NUMB: variants seen among roughly 807,000 people sequenced by gnomAD.
NUMB encodes the protein protein numb homolog.
In NUMB, 29 loss-of-function variants were observed where a neutral mutation model predicts 59.7. The ratio of observed to expected loss-of-function variants is 0.49; its 90% CI spans 0.36 to 0.66. The LOEUF is 0.66. NUMB is among the 30% of genes least tolerant of loss of function. NUMB has a pLI of 0.00. For synonymous variants in NUMB, 288 were observed against 288.2 expected (o/e 1.00, Z 0.01); for missense variants, 723 against 822.0 (o/e 0.88, Z 1.47).
chr14:73,300,392 A>G (rs1414842928), intron 6 of NUMB, among the ~76,000 whole-genome samples: 1 of 152,136 alleles, frequency 6.6e-6, no homozygotes, highest in Non-Finnish European at 1.5e-5. Context: ...CCATAAATTC[A>G]TCTGTGAATT....
At chr14:73,361,542 C>G (rs905069729) in intron 3 of NUMB, among the ~76,000 whole-genome samples, 8 of 151,862 alleles carry the variant, frequency 5.3e-5, no homozygotes, top group African/African-American at 1.9e-4. Context: ...GTTTGTTGCA[C>G]ATATTATTTC....
intron 4 of NUMB, among the ~76,000 whole-genome samples, chr14:73,325,885 A>G (rs1383598284): frequency 2.0e-5 from 3 of 152,202 alleles, no homozygotes; most frequent in African/African-American, 7.2e-5. Flanking sequence ...CCTCTAAGGC[A>G]GGGGGAACTG....
At chr14:73,382,308 G>T (rs528908719) in intron 2 of NUMB, among the ~76,000 whole-genome samples, 2 of 152,064 alleles carry the variant, frequency 1.3e-5, no homozygotes, top group East Asian at 3.9e-4. Context: ...CATCATGCCT[G>T]GCTAATTTTT....
intron 2 of NUMB, among the ~76,000 whole-genome samples, chr14:73,401,064 C>A (rs759235264): frequency 1.1e-4 from 16 of 152,126 alleles, no homozygotes; most frequent in Non-Finnish European, 1.8e-4. Flanking sequence ...GGGGATTGAG[C>A]CCTCAACCTG....
At chr14:73,452,577 G>A (rs747813681) in intron 1 of NUMB, among the ~76,000 whole-genome samples, 11 of 152,134 alleles carry the variant, frequency 7.2e-5, no homozygotes, top group Non-Finnish European at 8.8e-5. Context: ...GGGTTTTCGT[G>A]GGTAGAGAGG....
chr14:73,439,362 T>C (rs1282917054), intron 1 of NUMB, among the ~76,000 whole-genome samples: 6 of 152,152 alleles, frequency 3.9e-5, no homozygotes, highest in African/African-American at 1.4e-4. Context: ...TTAATGACTA[T>C]TAAAAACAGG....
At chr14:73,419,116 T>C (rs1182037884) in intron 1 of NUMB, among the ~76,000 whole-genome samples, 1 of 152,142 alleles carries the variant, frequency 6.6e-6, no homozygotes, top group African/African-American at 2.4e-5. Flanking sequence ...ATGTCAGGTT[T>C]ATAAAAAAAA....
rs747805278 is a variant in NUMB at position 73,279,412 on chromosome 14, T to C, written c.1109A>G (p.Asp370Gly). 83 of 1,588,266 alleles carry C rather than the reference T, an allele frequency of 5.2e-5. No homozygotes were observed. Among genetic ancestry groups the C allele is most frequent in the Non-Finnish European group, 6.8e-5 (79 of 1,167,434 alleles). The change falls in exon 12 of 13, where the codon GAC becomes GGC. Residue 370 changes from aspartate (D) to glycine (G), a missense_variant. Coordinates refer to ENST00000555238, the MANE Select transcript of NUMB (RefSeq NM_001005743.2). The stretch of plus-strand genomic sequence containing the variant: ...CTTAGCAAGCACATGGAAGGCTGAG[T>C]CAGTGCCATTAGCTACAACGGGAGC... ...QSPTFQANGT[D>G]SAFHVLAKPA...
At chr14:73,295,852 T>A (rs1419155520) in intron 7 of NUMB, among the ~76,000 whole-genome samples, 1 of 152,176 alleles carries the variant, frequency 6.6e-6, no homozygotes, top group Non-Finnish European at 1.5e-5. Context: ...GCATTTAGGA[T>A]CACTGTCTCT....
At position 73,458,505 on chromosome 14, in the gene NUMB, C is replaced by G. The variant is rs1052957414; in HGVS notation, c.-245G>C. On this transcript the variant is annotated 5_prime_UTR_variant, in exon 1 of 13. Transcript: ENST00000555238. ...TACCGGCACTCACCTGCCGCTGCCC[C>G]CGACCAACTCAAGCGCCACTGCCTC... is the stretch of plus-strand genomic sequence containing the variant. 6.6e-6 allele frequency: 1 copy of G among 152,428 alleles called. No homozygotes were observed. Among genetic ancestry groups the G allele is most frequent in the African/African-American group, 2.4e-5 (1 of 41,430 alleles). 9.4% of individuals were successfully genotyped at this position (152,428 alleles called of 1,614,324 possible).
chr14:73,435,299 A>G (rs1289489296), intron 1 of NUMB, among the ~76,000 whole-genome samples: 1 of 136,964 alleles, frequency 7.3e-6, no homozygotes, highest in African/African-American at 2.8e-5. Flanking sequence ...TTTGAGACAG[A>G]GTCTCACTCT....
At chr14:73,358,903 A>G (rs1477134717) in intron 3 of NUMB, among the ~76,000 whole-genome samples, 2 of 152,206 alleles carry the variant, frequency 1.3e-5, no homozygotes, top group Non-Finnish European at 2.9e-5. Flanking sequence ...ATACAAGACC[A>G]AAGAACCATC....
chr14:73,377,948 G>GATATATATACACACACATGC (rs1895037124), intron 2 of NUMB, among the ~76,000 whole-genome samples: 1 of 151,056 alleles, frequency 6.6e-6, no homozygotes, highest in Non-Finnish European at 1.5e-5. Flanking sequence ...CCTGGAGATA[G>GATATATATACACACACATGC]ATATATATAC....
At chr14:73,438,609 C>T (rs1043243895) in intron 1 of NUMB, among the ~76,000 whole-genome samples, 7 of 103,808 alleles carry the variant, frequency 6.7e-5, no homozygotes, top group Non-Finnish European at 1.1e-4. Flanking sequence ...CCAGCCTGGG[C>T]AAGACAGCAA....
intron 9 of NUMB, 110 bp downstream of exon 9, chr14:73,287,000 T>C (rs531346006): frequency 9.6e-7 from 1 of 1,036,384 alleles, no homozygotes; most frequent in East Asian, 2.4e-5. Context: ...GGTTTTATAT[T>C]GCTAAGGGTT....
chr14:73,352,542 T>G (rs1349740497), intron 4 of NUMB, among the ~76,000 whole-genome samples: 3 of 89,272 alleles, frequency 3.4e-5, no homozygotes, highest in African/African-American at 7.8e-5. Flanking sequence ...TTTTTTTTTT[T>G]TTTTTTTTTT....
At chr14:73,288,348 C>T (rs1318129621) in intron 8 of NUMB, among the ~76,000 whole-genome samples, 5 of 151,900 alleles carry the variant, frequency 3.3e-5, no homozygotes, top group Middle Eastern at 3.4e-3. Context: ...GTCAGGAGCT[C>T]GAGACCAGCC....
intron 1 of NUMB, among the ~76,000 whole-genome samples, chr14:73,446,522 T>C (rs951721040): frequency 6.6e-6 from 1 of 151,644 alleles, no homozygotes; most frequent in African/African-American, 2.4e-5. Context: ...GGAGAATCAC[T>C]TGAACTCGGG....
intron 4 of NUMB, among the ~76,000 whole-genome samples, chr14:73,331,731 A>T (rs943800584): frequency 2.0e-5 from 3 of 151,888 alleles, no homozygotes; most frequent in Non-Finnish European, 4.4e-5. Flanking sequence ...GTCTCATGAG[A>T]TCTTATGGTT....
Sources: allele counts gnomAD v4.1 joint callset (sites outside exome capture counted in the v4.1 genomes callset), GRCh38; gene constraint gnomAD v4.1.1; transcripts MANE v1.5; gene names NCBI Gene and HGNC (gene_info 2026-07-23, HGNC 2026-07-21).